Variants in CTNNA3 observed in about 807,000 individuals in gnomAD.
CTNNA3 encodes the protein catenin alpha 3.
Under a neutral mutation model 95.7 loss-of-function variants are expected in CTNNA3, and 76 were observed. The observed-to-expected ratio is 0.79, with a 90% CI of 0.66 to 0.96. CTNNA3 has a LOEUF of 0.96. Ranked by LOEUF, CTNNA3 falls within the 40% of genes least tolerant of loss-of-function variation. The pLI is 0.00. For synonymous variants in CTNNA3, 431 were observed against 374.4 expected, an observed-to-expected ratio of 1.15 and a Z score of -1.74; for missense variants, 1,191 against 1,089.8, an observed-to-expected ratio of 1.09 and a Z score of -1.31.
At chr10:66,706,462 A>C (rs1205671910) in intron 9 of CTNNA3, among the ~76,000 whole-genome samples, 3 of 151,602 alleles carry the variant, frequency 2.0e-5, no homozygotes, top group African/African-American at 7.3e-5. Context: ...TCTGTCTCCA[A>C]AGACAGCAAT....
intron 12 of CTNNA3, among the ~76,000 whole-genome samples, chr10:66,354,767 C>T (rs2092596006): frequency 6.6e-6 from 1 of 152,030 alleles, no homozygotes. Context: ...GCTCTCTCTT[C>T]CCGAACTAAC....
intron 13 of CTNNA3, among the ~76,000 whole-genome samples, chr10:66,137,669 T>G (rs2083422131): frequency 6.6e-6 from 1 of 152,112 alleles, no homozygotes. Context: ...GTTTGTGGAC[T>G]GGGTTTGGTG....
chr10:66,571,713 T>A (rs1351876409), intron 10 of CTNNA3, among the ~76,000 whole-genome samples: 1 of 151,210 alleles, frequency 6.6e-6, no homozygotes, highest in Non-Finnish European at 1.5e-5. Flanking sequence ...GATAATAGGG[T>A]CATTATAGAT....
At chr10:66,939,940 A>G (rs1020720043) in intron 7 of CTNNA3, among the ~76,000 whole-genome samples, 1 of 152,186 alleles carries the variant, frequency 6.6e-6, no homozygotes, top group Non-Finnish European at 1.5e-5. Flanking sequence ...CACTGTGGTC[A>G]CTGCATCATT....
chr10:67,530,933 TG>T (rs1840305842), intron 4 of CTNNA3, among the ~76,000 whole-genome samples: 1 of 152,352 alleles, frequency 6.6e-6, no homozygotes, highest in East Asian at 1.9e-4. Flanking sequence ...ATGTCGAGCT[TG>T]GGCTGTGGCT....
At position 66,256,721 on chromosome 10, in the gene CTNNA3, C is replaced by CAA. The variant is rs34013367; in HGVS notation, c.1884+23747_1884+23748dup. ...GGGCAACAAGAGTGAGACATTGTCTCAAAAAAAAAAAGCGTAAATTGGAGG... is the reference window on the plus strand; with the variant it reads ...GGGCAACAAGAGTGAGACATTGTCTCAAAAAAAAAAAAAGCGTAAATTGGAGG... On this transcript the variant is annotated intron_variant, in intron 13 of 17. Transcript: ENST00000433211. Among the ~76,000 whole-genome samples, 842 of 140,562 alleles carry CAA rather than the reference C, an allele frequency of 6.0e-3. 5 individuals carry two copies. The highest frequency in any genetic ancestry group is 0.019 in the African/African-American group (737 of 38,698). 92.2% of individuals were successfully genotyped at this position (140,562 alleles called of 152,430 possible). A position where few individuals can be genotyped will look rare whatever the true frequency, so the allele number is the denominator to read the frequency against.
At chr10:66,912,390 C>A (rs1227741359) in intron 7 of CTNNA3, among the ~76,000 whole-genome samples, 1 of 151,822 alleles carries the variant, frequency 6.6e-6, no homozygotes, top group Non-Finnish European at 1.5e-5. Context: ...AATACAGATA[C>A]CAATAGGGTA....
At chr10:66,828,486 A>G (rs539999649) in intron 7 of CTNNA3, among the ~76,000 whole-genome samples, 1 of 152,320 alleles carries the variant, frequency 6.6e-6, no homozygotes, top group East Asian at 1.9e-4. Flanking sequence ...TTCTACTTGA[A>G]AAGCAGAAAC....
intron 10 of CTNNA3, among the ~76,000 whole-genome samples, chr10:66,539,778 C>A (rs370261161): frequency 1.4e-4 from 21 of 152,190 alleles, no homozygotes; most frequent in African/African-American, 5.1e-4. Context: ...CAAAAAACAT[C>A]AGCATCACCT....
At chr10:66,115,949 C>G (rs2082326463) in intron 13 of CTNNA3, among the ~76,000 whole-genome samples, 1 of 152,036 alleles carries the variant, frequency 6.6e-6, no homozygotes, top group South Asian at 2.1e-4. Context: ...TTCAAGGTTA[C>G]TGGATTGAAG....
intron 12 of CTNNA3, among the ~76,000 whole-genome samples, chr10:66,310,912 T>C (rs1439940128): frequency 4.6e-5 from 7 of 152,070 alleles, no homozygotes; most frequent in Non-Finnish European, 8.8e-5. Context: ...TGGTCTCGAT[T>C]TCCTGACCTC....
At position 66,786,264 on chromosome 10, in the gene CTNNA3, T is replaced by C. The variant is rs1055330518; in HGVS notation, c.1048-10740A>G. 2.0e-5 allele frequency among the ~76,000 whole-genome samples: 3 copies of C among 151,062 alleles called. No homozygotes were observed. The East Asian group carries it at 5.8e-4, about 29-fold the overall frequency. On this transcript the variant is annotated intron_variant, in intron 7 of 17. Coordinates refer to ENST00000433211, the MANE Select transcript of CTNNA3 (RefSeq NM_013266.4). ...CTCAAATTACCAGCTTGGGGCACTG[T>C]TTTTTTTTCTCTTGCTGGGACCCTA...
At chr10:67,726,496 T>C (rs1238085515) in intron 1 of CTNNA3, among the ~76,000 whole-genome samples, 2 of 71,764 alleles carry the variant, frequency 2.8e-5, no homozygotes, top group African/African-American at 6.1e-5. Flanking sequence ...TCATATACAA[T>C]ATATAATATA....
chr10:67,008,879 G>A (rs886197693), intron 7 of CTNNA3, among the ~76,000 whole-genome samples: 21 of 151,940 alleles, frequency 1.4e-4, no homozygotes, highest in African/African-American at 5.1e-4. Context: ...CCTTAATGAG[G>A]GTTTATACTA....
At chr10:66,496,901 T>G (rs1250969260) in intron 11 of CTNNA3, among the ~76,000 whole-genome samples, 1 of 152,124 alleles carries the variant, frequency 6.6e-6, no homozygotes, top group African/African-American at 2.4e-5. Flanking sequence ...AGTCTGAGAT[T>G]AAGGTGTTGA....
At chr10:67,495,016 A>G (rs1178605847) in intron 5 of CTNNA3, among the ~76,000 whole-genome samples, 1 of 152,216 alleles carries the variant, frequency 6.6e-6, no homozygotes, top group Non-Finnish European at 1.5e-5. Flanking sequence ...CTACTAGAAA[A>G]TTATTCATCA....
chr10:67,514,167 G>A (rs943457092), intron 5 of CTNNA3, among the ~76,000 whole-genome samples: 3 of 152,140 alleles, frequency 2.0e-5, no homozygotes, highest in Non-Finnish European at 2.9e-5. Flanking sequence ...GGGCATGGTG[G>A]TGGATGCCTG....
chr10:66,457,935 T>G (rs2093505572), intron 11 of CTNNA3, among the ~76,000 whole-genome samples: 1 of 152,146 alleles, frequency 6.6e-6, no homozygotes, highest in African/African-American at 2.4e-5. Context: ...GCAGCCTCCT[T>G]GGAAGATAGG....
At chr10:66,644,329 A>G (rs1054130008) in intron 9 of CTNNA3, among the ~76,000 whole-genome samples, 15 of 147,370 alleles carry the variant, frequency 1.0e-4, no homozygotes, top group African/African-American at 3.7e-4. Flanking sequence ...TATATAAAAT[A>G]ATACTTTACA....
Sources: allele counts gnomAD v4.1 joint callset (sites outside exome capture counted in the v4.1 genomes callset), GRCh38; gene constraint gnomAD v4.1.1; transcripts MANE v1.5; gene names NCBI Gene and HGNC (gene_info 2026-07-23, HGNC 2026-07-21).